ZNF454: variants seen among roughly 807,000 people sequenced by gnomAD.
ZNF454 encodes the protein zinc finger protein 454.
Under a neutral mutation model 48.2 loss-of-function variants are expected in ZNF454, and 30 were observed. The ratio of observed to expected loss-of-function variants is 0.62; its 90% CI spans 0.47 to 0.84. ZNF454 has a LOEUF of 0.84. ZNF454 is among the 40% of genes least tolerant of loss of function. The pLI, the probability that ZNF454 is intolerant of heterozygous loss-of-function variation, is 0.00. For missense variants in ZNF454, 510 were observed against 623.1 expected (o/e 0.82, Z 1.93); for synonymous variants, 204 against 211.4 (o/e 0.97, Z 0.30).
the ZNF454 span, among the ~76,000 whole-genome samples, chr5:178,974,840 A>G: frequency 6.6e-6 from 1 of 152,200 alleles, no homozygotes; most frequent in Non-Finnish European, 1.5e-5. Flanking sequence ...AGATCACAAC[A>G]TGAGAGTTAA....
chr5:178,956,603 A>T (rs1436490737), intron 4 of ZNF454, among the ~76,000 whole-genome samples: 1 of 150,294 alleles, frequency 6.7e-6, no homozygotes, highest in African/African-American at 2.4e-5. Context: ...TGGGAAAAGG[A>T]TGGGAAGAGG....
At chr5:178,959,763 G>A (rs560856080) in intron 4 of ZNF454, among the ~76,000 whole-genome samples, 7 of 151,868 alleles carry the variant, frequency 4.6e-5, no homozygotes, top group Admixed American at 1.3e-4. Flanking sequence ...CCACCACCAC[G>A]CCTGGCTAAT....
At chr5:178,967,721 T>TG (rs934892222), downstream of ZNF454, among the ~76,000 whole-genome samples, 1 of 120,974 alleles carries the variant, frequency 8.3e-6, no homozygotes, top group Non-Finnish European at 1.7e-5. Flanking sequence ...TACCCTGTTT[T>TG]TTTTTTTTCT....
rs749187567 is a variant in ZNF454 at position 178,964,791 on chromosome 5, A to G, written c.387A>G (p.Gln129=). 130 of 1,614,094 alleles carry G rather than the reference A, an allele frequency of 8.1e-5. 4 individuals are homozygous for G. In the South Asian group the frequency reaches 1.4e-3, roughly 18 times the overall value. The change falls in exon 5 of 5, where the codon CAA becomes CAG. Residue 129 remains glutamine (Q), a synonymous_variant. Coordinates refer to ENST00000519564, the MANE Select transcript of ZNF454 (RefSeq NM_001178089.3). Reference sequence around the variant, plus strand: ...AGTGTGCTAGCCTGCTGGAGTGGCAATGTGGAGGCCAGGAGATCAGTTTGC... The same window carrying G: ...AGTGTGCTAGCCTGCTGGAGTGGCAGTGTGGAGGCCAGGAGATCAGTTTGC... The part of the protein sequence containing the change: ...HWKCASLLEW[Q]CGGQEISLQR...
rs760832248 is a variant in ZNF454 at position 178,941,925 on chromosome 5, ACCAC to A, written c.-108+484_-108+487del. On this transcript the variant is annotated intron_variant, in intron 1 of 4. Coordinates refer to ENST00000519564, the MANE Select transcript of ZNF454 (RefSeq NM_001178089.3). This position sits in a 1 kb window ranked among gnomAD's most constrained non-coding sequence, Gnocchi z 5.5. ...AGCCTCCTTTCTGAGGAGGAAGAAGACCACCCTCCTTTTCCTCTTCTCCTGTCAC... is the reference window on the plus strand; with the variant it reads ...AGCCTCCTTTCTGAGGAGGAAGAAGACCTCCTTTTCCTCTTCTCCTGTCAC... Among the ~76,000 whole-genome samples the A allele has an allele frequency of 6.8e-6, 1 of 147,930 alleles. No homozygotes were observed. The highest frequency in any genetic ancestry group is 1.5e-5 in the Non-Finnish European group (1 of 66,068).
intron 4 of ZNF454, chr5:178,956,896 GT>G: frequency 2.9e-5 from 10 of 346,810 alleles, no homozygotes; most frequent in Non-Finnish European, 3.5e-5. Context: ...TTGTTTGTTT[GT>G]TTTTTTAGAT....
rs756892601 is a variant in ZNF454, at chr5:178,965,605, C to T, written c.1201C>T (p.Arg401Ter). Residue 401 changes from arginine (R) to a stop codon, truncating the protein, a stop_gained, in exon 5 of 5, where the codon CGA becomes TGA. Transcript: ENST00000519564. LOFTEE classifies it high-confidence loss of function. The surrounding 1 kb of genome is among the most constrained non-coding windows in gnomAD (Gnocchi z 5.2). ...TTTCAGGGATAATTCATCCTTTGCA[C>T]GACATCGGAAAATTCACACTGGAGA... ...KAFRDNSSFARHRKIHTGEKP... is the reference protein window; with the variant it reads ...KAFRDNSSFA 4.3e-6 allele frequency: 7 copies of T among 1,614,092 alleles called. No individual in the cohort carries two copies. The highest frequency in any genetic ancestry group is 1.1e-5 in the South Asian group (1 of 91,080).
chr5:178,962,973 C>A (rs1450486309), intron 4 of ZNF454, among the ~76,000 whole-genome samples: 3 of 151,784 alleles, frequency 2.0e-5, no homozygotes. Context: ...CGGCTGAGAG[C>A]TTCACATGTT....
chr5:178,988,835 C>T, the ZNF454 span: 3 of 970,886 alleles, frequency 3.1e-6, no homozygotes, highest in Non-Finnish European at 4.8e-6. The surrounding 1 kb of genome is among the most constrained non-coding windows in gnomAD (Gnocchi z 6.0). Flanking sequence ...ACCACTCAGC[C>T]TCACCCAGCC....
rs1188162625 is a variant in ZNF454 at position 178,965,557 on chromosome 5, A to G, written c.1153A>G (p.Lys385Glu). 6.2e-6 allele frequency: 10 copies of G among 1,613,880 alleles called. No homozygotes were observed. The African/African-American group carries it at 1.3e-4, about 22-fold the overall frequency. Residue 385 changes from lysine (K) to glutamate (E), a missense_variant, in exon 5 of 5, where the codon AAA becomes GAA. Physicochemically the swap from Lys to Glu is moderately conservative, Grantham distance 56. Coordinates refer to ENST00000519564, the MANE Select transcript of ZNF454 (RefSeq NM_001178089.3). This position sits in a 1 kb window ranked among gnomAD's most constrained non-coding sequence, Gnocchi z 5.2. ...QRIHTGEKPY[K>E]CNECGKAFRD... The stretch of plus-strand genomic sequence containing the variant: ...AATTCATACTGGAGAGAAACCTTAT[A>G]AATGTAATGAATGTGGGAAAGCTTT...
chr5:178,962,115 A>T (rs4700981), intron 4 of ZNF454, among the ~76,000 whole-genome samples: 79,014 of 151,314 alleles, frequency 0.52, 20,879 homozygotes, highest in Middle Eastern at 0.55. Flanking sequence ...ATCTACTTCA[A>T]GTTTAATTTT....
At chr5:178,971,866 GA>G in the ZNF454 span, among the ~76,000 whole-genome samples, 1 of 140,236 alleles carries the variant, frequency 7.1e-6, no homozygotes, top group Non-Finnish European at 1.6e-5. Context: ...AAAAAAAGAA[GA>G]AGAACTGGCC....
downstream of ZNF454, chr5:178,968,873 C>T (rs772676326): frequency 2.2e-6 from 1 of 456,752 alleles, no homozygotes; most frequent in South Asian, 1.5e-5. Flanking sequence ...GTCTCATTCA[C>T]CTCAGCCGCG....
chr5:178,986,271 C>G, the ZNF454 span: 1 of 1,614,080 alleles, frequency 6.2e-7, no homozygotes, highest in African/African-American at 1.3e-5. Context: ...AGCTGAGGGT[C>G]GTGCCCAGGC....
chr5:178,960,261 C>CTTT (rs546306673), intron 4 of ZNF454, among the ~76,000 whole-genome samples: 1 of 129,310 alleles, frequency 7.7e-6, no homozygotes. Flanking sequence ...CATTCCTTTT[C>CTTT]TTTTTTTTTT....
chr5:178,946,517 C>T lies in ZNF454; in HGVS notation c.160+32C>T, dbSNP rs759688194. On this transcript the variant is annotated intron_variant, in intron 3 of 4. Coordinates refer to ENST00000519564, the MANE Select transcript of ZNF454 (RefSeq NM_001178089.3). This position sits in a 1 kb window ranked among gnomAD's most constrained non-coding sequence, Gnocchi z 4.5. ...GGGACCCCTGCAAGGTTTCTCTTCACTTTTGGGGATCTCTTTGGGACCCTT... is the reference window on the plus strand; with the variant it reads ...GGGACCCCTGCAAGGTTTCTCTTCATTTTTGGGGATCTCTTTGGGACCCTT... 11 of 1,571,912 alleles carry T rather than the reference C, an allele frequency of 7.0e-6. No individual in the cohort carries two copies. The highest frequency in any genetic ancestry group is 2.8e-5 in the African/African-American group (2 of 72,498).
At chr5:178,967,201 G>T (rs999224430), downstream of ZNF454, among the ~76,000 whole-genome samples, 3 of 152,140 alleles carry the variant, frequency 2.0e-5, no homozygotes, top group African/African-American at 7.2e-5. Flanking sequence ...ATCAGTCAGG[G>T]ACTTGCTCAG....
chr5:178,943,920 G>A (rs1248764249), intron 2 of ZNF454, among the ~76,000 whole-genome samples: 2 of 152,098 alleles, frequency 1.3e-5, no homozygotes, highest in African/African-American at 2.4e-5. Context: ...CCAGCTACTC[G>A]GGAGGCTGAG....
In ZNF454 at chr5:178,944,212, A is replaced by G. The variant is rs1240373125; in HGVS notation, c.33+1388A>G. 1.3e-5 allele frequency among the ~76,000 whole-genome samples: 2 copies of G among 152,208 alleles called. No individual in the cohort carries two copies. Among genetic ancestry groups the G allele is most frequent in the African/African-American group, 4.8e-5 (2 of 41,446 alleles). On this transcript the variant is annotated intron_variant, in intron 2 of 4. Coordinates refer to ENST00000519564, the MANE Select transcript of ZNF454 (RefSeq NM_001178089.3). The surrounding 1 kb of genome is among the most constrained non-coding windows in gnomAD (Gnocchi z 4.1). ...CCAGCTAGGTGGGAGCGCCATGTTC[A>G]ACATAGCACAGCTCACCGGCTGTTC...
Sources: gnomAD v4.1 joint callset for allele counts (sites outside exome capture counted in the v4.1 genomes callset) on GRCh38, gnomAD v4.1.1 for gene constraint, Gnocchi (gnomAD v3.1) non-coding constraint, MANE v1.5 for transcripts, NCBI Gene and HGNC (gene_info 2026-07-23, HGNC 2026-07-21) for gene names.